The following PTPRD variants were observed in gnomAD, a reference collection of about 807,000 sequenced individuals.
PTPRD encodes the protein protein tyrosine phosphatase receptor type D, also known as receptor-type tyrosine-protein phosphatase delta.
PTPRD carries 34 observed loss-of-function variants against 214.5 expected under a neutral mutation model. The observed-to-expected ratio is 0.16, with a 90% CI of 0.12 to 0.21. The LOEUF (loss-of-function observed/expected upper bound fraction) is 0.21, where lower values mean the gene tolerates loss of function less well. Among genes scored for constraint, PTPRD ranks in the 10% least tolerant of loss-of-function variants. The probability of loss-of-function intolerance (pLI) is 1.00; values close to 1 mark genes in which losing one functional copy is unlikely to be tolerated. For synonymous variants in PTPRD, 1,128 were observed against 845.7 expected (o/e 1.33, Z -5.79); for missense variants, 2,545 against 2,398.7 (o/e 1.06, Z -1.27).
At chr9:9,322,894 T>C (rs1339449643) in intron 9 of PTPRD, among the ~76,000 whole-genome samples, 2 of 152,174 alleles carry the variant, frequency 1.3e-5, no homozygotes, top group African/African-American at 2.4e-5. Context: ...CTTGACATAT[T>C]CCACAGTATT....
At chr9:9,431,699 A>G (rs2083200216) in intron 8 of PTPRD, among the ~76,000 whole-genome samples, 2 of 152,086 alleles carry the variant, frequency 1.3e-5, no homozygotes, top group African/African-American at 4.8e-5. Context: ...TGTGGCACAT[A>G]TACACCATGG....
chr9:10,408,318 A>G (rs931528901), intron 2 of PTPRD, among the ~76,000 whole-genome samples: 2 of 151,646 alleles, frequency 1.3e-5, no homozygotes, highest in African/African-American at 4.8e-5. Flanking sequence ...TTAGAATAAT[A>G]CTATGTGAAA....
chr9:9,437,374 T>G (rs914676673), intron 8 of PTPRD, among the ~76,000 whole-genome samples: 1 of 152,184 alleles, frequency 6.6e-6, no homozygotes, highest in Admixed American at 6.5e-5. Flanking sequence ...TTGATTGCAC[T>G]GTCACCAGGA....
chr9:9,524,360 T>C (rs1471125749), intron 8 of PTPRD, among the ~76,000 whole-genome samples: 2 of 152,218 alleles, frequency 1.3e-5, no homozygotes, highest in Admixed American at 1.3e-4. Context: ...ATGTCTAGGT[T>C]CTACCTTTCA....
chr9:9,957,336 A>G (rs532529864), intron 4 of PTPRD, among the ~76,000 whole-genome samples: 2 of 152,294 alleles, frequency 1.3e-5, no homozygotes, highest in South Asian at 4.1e-4. Flanking sequence ...TACAAAAGAC[A>G]TATTGATACA....
chr9:8,999,879 G>T (rs1204779520), intron 11 of PTPRD, among the ~76,000 whole-genome samples: 2 of 151,990 alleles, frequency 1.3e-5, no homozygotes, highest in Non-Finnish European at 2.9e-5. Context: ...GGTGTTGACA[G>T]ATAAAGAAAA....
At chr9:9,455,440 C>G (rs1308077876) in intron 8 of PTPRD, among the ~76,000 whole-genome samples, 3 of 151,346 alleles carry the variant, frequency 2.0e-5, no homozygotes, top group Admixed American at 6.6e-5. Flanking sequence ...CATAACAATA[C>G]CAACAGTGCA....
At chr9:9,980,488 G>C (rs2095501747) in intron 4 of PTPRD, among the ~76,000 whole-genome samples, 1 of 151,382 alleles carries the variant, frequency 6.6e-6, no homozygotes, top group Non-Finnish European at 1.5e-5. Context: ...CATGCCTGTA[G>C]TCCCAGCTAC....
chr9:8,498,461 A>G (rs1157219050), intron 25 of PTPRD, among the ~76,000 whole-genome samples: 2 of 152,036 alleles, frequency 1.3e-5, no homozygotes, highest in Non-Finnish European at 2.9e-5. Context: ...TATTTTTAGT[A>G]GAGATGGGGT....
intron 14 of PTPRD, among the ~76,000 whole-genome samples, chr9:8,602,397 G>C (rs926896413): frequency 1.3e-5 from 2 of 152,146 alleles, no homozygotes; most frequent in Admixed American, 6.6e-5. Context: ...TAAATAGGAT[G>C]ACAACAGCAA....
chr9:10,266,968 A>C (rs2094108218), intron 3 of PTPRD, among the ~76,000 whole-genome samples: 1 of 151,954 alleles, frequency 6.6e-6, no homozygotes. Context: ...AGGCGGGCGA[A>C]TCACCAGGTC....
chr9:10,484,387 C>T (rs1415072205), intron 2 of PTPRD, among the ~76,000 whole-genome samples: 4 of 151,972 alleles, frequency 2.6e-5, no homozygotes, highest in East Asian at 1.9e-4. Context: ...CAGACTTTAC[C>T]ACTATACAAT....
intron 5 of PTPRD, among the ~76,000 whole-genome samples, chr9:9,930,389 C>G (rs1307589351): frequency 1.3e-5 from 2 of 152,136 alleles, no homozygotes; most frequent in African/African-American, 4.8e-5. Context: ...ACAGAGAAGT[C>G]TGAGAAAGAG....
At chr9:9,588,970 C>T (rs585212) in intron 7 of PTPRD, among the ~76,000 whole-genome samples, 54,860 of 151,652 alleles carry the variant, frequency 0.36, 10,344 homozygotes, top group African/African-American at 0.42. Flanking sequence ...TCAAATACAG[C>T]ATTTTTAGTT....
intron 2 of PTPRD, among the ~76,000 whole-genome samples, chr9:10,408,868 C>T (rs961896427): frequency 8.6e-5 from 13 of 151,670 alleles, no homozygotes; most frequent in African/African-American, 3.1e-4. Flanking sequence ...AACTTCAGTG[C>T]TCAGTATATG....
chr9:8,885,485 C>A (rs967405070), intron 11 of PTPRD, among the ~76,000 whole-genome samples: 2 of 142,122 alleles, frequency 1.4e-5, no homozygotes, highest in Non-Finnish European at 1.5e-5. Flanking sequence ...TACCACACAG[C>A]CTCTTTTTTT....
At chr9:9,100,378 T>G (rs2099789638) in intron 10 of PTPRD, among the ~76,000 whole-genome samples, 1 of 152,154 alleles carries the variant, frequency 6.6e-6, no homozygotes, top group Non-Finnish European at 1.5e-5. Flanking sequence ...TTCTGAGAAG[T>G]GCTTTGAAAA....
intron 22 of PTPRD, 49 bp from the exon 23 acceptor site, chr9:8,504,454 T>C (rs377206948): frequency 2.5e-6 from 4 of 1,600,082 alleles, no homozygotes; most frequent in Non-Finnish European, 2.6e-6. Context: ...TTCATGCAAA[T>C]ACTTTTTAAT....
At chr9:9,627,731 A>C (rs1412397690) in intron 7 of PTPRD, among the ~76,000 whole-genome samples, 2 of 152,202 alleles carry the variant, frequency 1.3e-5, no homozygotes, top group African/African-American at 4.8e-5. Context: ...TCAATATGTG[A>C]AGCCATTTGA....
Sources: allele counts gnomAD v4.1 joint callset (sites outside exome capture counted in the v4.1 genomes callset), GRCh38; gene constraint gnomAD v4.1.1; transcripts MANE v1.5; gene names NCBI Gene and HGNC (gene_info 2026-07-23, HGNC 2026-07-21).